SLC18A1: variants seen among roughly 807,000 people sequenced by gnomAD.
The protein encoded by SLC18A1 is solute carrier family 18 member A1, also known as chromaffin granule amine transporter.
In SLC18A1, 69 loss-of-function variants were observed where a neutral mutation model predicts 53.7. The observed-to-expected ratio is 1.28, with a 90% CI of 1.06 to 1.57. The LOEUF (loss-of-function observed/expected upper bound fraction) is 1.57, where lower values mean the gene tolerates loss of function less well. Among genes scored for constraint, SLC18A1 ranks in the 40% most tolerant of loss-of-function variants. SLC18A1 has a pLI of 0.00. For missense variants in SLC18A1, 932 were observed against 668.1 expected, an observed-to-expected ratio of 1.40 and a Z score of -4.35; for synonymous variants, 320 against 248.1, an observed-to-expected ratio of 1.29 and a Z score of -2.72.
chr8:20,156,001 C>G (rs868435161), intron 10 of SLC18A1, among the ~76,000 whole-genome samples: 5 of 152,200 alleles, frequency 3.3e-5, no homozygotes, highest in African/African-American at 1.2e-4. Flanking sequence ...ACTTACCCAC[C>G]CTGTGCAATA....
intron 5 of SLC18A1, 89 bp downstream of exon 5, chr8:20,174,272 C>G (rs530270234): frequency 2.0e-6 from 2 of 987,236 alleles, no homozygotes; most frequent in South Asian, 1.3e-5. Context: ...TCCTTAATTT[C>G]TCCATGTAAA....
chr8:20,147,566 A>G, intron 14 of SLC18A1, 37 bp downstream of exon 14: 4 of 1,612,624 alleles, frequency 2.5e-6, no homozygotes, highest in Non-Finnish European at 3.4e-6. Flanking sequence ...TAAAGAGTAG[A>G]CAGGGGAAAG....
chr8:20,165,955 T>C (rs1193206037), intron 8 of SLC18A1, among the ~76,000 whole-genome samples: 1 of 152,072 alleles, frequency 6.6e-6, no homozygotes, highest in Non-Finnish European at 1.5e-5. Context: ...ATGATAACCC[T>C]CTCTGCACAC....
intron 10 of SLC18A1, among the ~76,000 whole-genome samples, chr8:20,152,647 T>C (rs4922132): frequency 0.85 from 129,318 of 152,164 alleles, 55,273 homozygotes; most frequent in African/African-American, 0.94. Context: ...TGGTAGATAT[T>C]CAAGCAGAGC....
rs781373716 is a variant in SLC18A1, at chr8:20,164,904, A to G, written c.980T>C (p.Met327Thr). 3.7e-6 allele frequency: 6 copies of G among 1,613,736 alleles called. No individual in the cohort carries two copies. In the Admixed American group the frequency reaches 6.7e-5, roughly 18 times the overall value. The change falls in exon 10 of 16, where the codon ATG becomes ACG. Residue 327 changes from methionine to threonine, a missense_variant. Met to Thr is a moderately conservative substitution (Grantham distance 81). Coordinates refer to ENST00000276373, the MANE Select transcript of SLC18A1 (RefSeq NM_003053.4). ...AILEPTLPIW[M>T]MQTMCSPKWQ... is the part of the protein sequence containing the mutation. ...CTTGGGGGAGCACATGGTCTGCATC[A>G]TCCAGATGGGCAGTGTGGGCTCCAG... is the stretch of plus-strand genomic sequence containing the variant.
chr8:20,150,821 A>C (rs1054193416), intron 10 of SLC18A1, 77 bp from the exon 11 acceptor site: 62 of 1,291,816 alleles, frequency 4.8e-5, no homozygotes, highest in Non-Finnish European at 6.8e-5. Context: ...CAAGACACTG[A>C]AGTCCACCCC....
At chr8:20,154,589 T>C (rs941516791) in intron 10 of SLC18A1, among the ~76,000 whole-genome samples, 3 of 152,110 alleles carry the variant, frequency 2.0e-5, no homozygotes, top group Admixed American at 2.0e-4. Flanking sequence ...AAAACAATGT[T>C]CACAGAAAAC....
chr8:20,172,182 G>A (rs1398902950), intron 6 of SLC18A1, among the ~76,000 whole-genome samples: 1 of 152,220 alleles, frequency 6.6e-6, no homozygotes. Flanking sequence ...AAGGAGCCAG[G>A]AGTGGCTGTT....
At chr8:20,156,163 G>A (rs371894445) in intron 10 of SLC18A1, among the ~76,000 whole-genome samples, 2 of 152,030 alleles carry the variant, frequency 1.3e-5, no homozygotes, top group African/African-American at 4.8e-5. Context: ...AATCTGTAGT[G>A]GCAACTGCTT....
chr8:20,162,157 C>T (rs1006759995), intron 10 of SLC18A1, among the ~76,000 whole-genome samples: 2 of 152,188 alleles, frequency 1.3e-5, no homozygotes, highest in Admixed American at 6.5e-5. Context: ...AGCAGAGTCC[C>T]AAGGTGGTCC....
chr8:20,169,622 C>T (rs1403132008), intron 8 of SLC18A1, among the ~76,000 whole-genome samples: 3 of 152,068 alleles, frequency 2.0e-5, no homozygotes, highest in Non-Finnish European at 4.4e-5. Context: ...CTCATGCCTA[C>T]AATCCCAGCA....
chr8:20,179,944 T>C (rs903348152), intron 2 of SLC18A1, among the ~76,000 whole-genome samples: 3 of 152,152 alleles, frequency 2.0e-5, no homozygotes, highest in Non-Finnish European at 4.4e-5. Flanking sequence ...GGCAGGGTGG[T>C]CAGAGGAGCC....
chr8:20,153,464 T>C (rs1278541764), intron 10 of SLC18A1, among the ~76,000 whole-genome samples: 1 of 151,582 alleles, frequency 6.6e-6, no homozygotes, highest in African/African-American at 2.4e-5. Context: ...GATCACAAGG[T>C]CAGGAGATCA....
Position 20,145,863 on chromosome 8 carries a change from T to C in SLC18A1, c.1478A>G (p.Gln493Arg). Residue 493 changes from glutamine to arginine, a missense_variant, in exon 16 of 16, where the codon CAG (glutamine) becomes CGG (arginine). Physicochemically the swap from Gln to Arg is conservative, Grantham distance 43. Transcript: ENST00000276373. ...AKEEKLAILS[Q>R]DCPMETRMYA... ...CATCCGGGTCTCCATGGGGCAGTCC[T>C]GACTCAGAATAGCCTGCAGAGAGAG... 1 of 1,604,478 alleles carries C rather than the reference T, an allele frequency of 6.2e-7. No homozygotes were observed. The highest frequency in any genetic ancestry group is 8.5e-7 in the Non-Finnish European group (1 of 1,174,910).
chr8:20,158,389 G>C (rs998716762), intron 10 of SLC18A1, among the ~76,000 whole-genome samples: 1 of 152,152 alleles, frequency 6.6e-6, no homozygotes, highest in Non-Finnish European at 1.5e-5. Flanking sequence ...CGCAAAAGCA[G>C]GGGCCATTAT....
chr8:20,147,490 G>A, intron 14 of SLC18A1, 99 bp from the exon 15 acceptor site: 1 of 1,569,722 alleles, frequency 6.4e-7, no homozygotes, highest in Non-Finnish European at 8.7e-7. Context: ...TGACCCAGAG[G>A]ATGTCTCAGC....
At chr8:20,176,783 G>C (rs1323704406) in intron 4 of SLC18A1, among the ~76,000 whole-genome samples, 1 of 152,074 alleles carries the variant, frequency 6.6e-6, no homozygotes, top group South Asian at 2.1e-4. Flanking sequence ...AACATATATA[G>C]TTTGGTATAA....
rs570779554 is a variant in SLC18A1, at chr8:20,179,134, G to A, written c.475C>T (p.Pro159Ser). Residue 159 changes from proline (P) to serine (S), a missense_variant, in exon 3 of 16, where the codon CCT (proline) becomes TCT (serine). Physicochemically the swap from Pro to Ser is moderately conservative, Grantham distance 74. Transcript: ENST00000276373. ...MQLLVNPFVG[P>S]LTNRIGYHIP... ...CCAGTGAGATACCTGTTGGTGAGAG[G>A]GCCCACGAATGGGTTGACCAGAAGT... 6.2e-7 allele frequency: 1 copy of A among 1,611,342 alleles called. No individual in the cohort carries two copies. Among genetic ancestry groups the A allele is most frequent in the Non-Finnish European group, 8.5e-7 (1 of 1,178,164 alleles).
chr8:20,148,174 T>C, intron 12 of SLC18A1, 104 bp from the exon 13 acceptor site: 1 of 959,138 alleles, frequency 1.0e-6, no homozygotes. Flanking sequence ...AGTGCACTAT[T>C]GGCCACATAC....
Sources: gnomAD v4.1 joint callset for allele counts (sites outside exome capture counted in the v4.1 genomes callset) on GRCh38, gnomAD v4.1.1 for gene constraint, MANE v1.5 for transcripts, NCBI Gene and HGNC (gene_info 2026-07-23, HGNC 2026-07-21) for gene names.